ITPR3: variants seen among roughly 807,000 people sequenced by gnomAD.
ITPR3 encodes the protein inositol 1,4,5-trisphosphate-gated calcium channel ITPR3.
A neutral mutation model predicts 293.2 loss-of-function variants in ITPR3; 173 were observed. The ratio of observed to expected loss-of-function variants is 0.59; its 90% CI spans 0.52 to 0.67. The LOEUF is 0.67. ITPR3 is among the 30% of genes least tolerant of loss of function. The pLI is 0.00. For synonymous variants in ITPR3, 1,295 were observed against 1,444.4 expected, an observed-to-expected ratio of 0.90 and a Z score of 2.35; for missense variants, 2,796 against 3,592.1, an observed-to-expected ratio of 0.78 and a Z score of 5.66.
At chr6:33,623,366 A>C (rs1582091536) in intron 1 of ITPR3, among the ~76,000 whole-genome samples, 2 of 125,884 alleles carry the variant, frequency 1.6e-5, no homozygotes, top group African/African-American at 3.1e-5. Flanking sequence ...TCACTTTCTC[A>C]CTCAGGCTAG....
At chr6:33,660,678 C>T (rs1284503790) in intron 7 of ITPR3, among the ~76,000 whole-genome samples, 5 of 152,142 alleles carry the variant, frequency 3.3e-5, no homozygotes, top group South Asian at 4.1e-4. Flanking sequence ...CCTGTAATCC[C>T]AGCACTTTGG....
intron 56 of ITPR3, chr6:33,694,703 G>T: frequency 5.4e-6 from 3 of 553,980 alleles, no homozygotes; most frequent in Admixed American, 6.8e-5. Context: ...CCTAACGGAA[G>T]TCAGCCTGTC....
At chr6:33,685,252 G>A in intron 39 of ITPR3, 107 bp from the exon 40 acceptor site, 1 of 1,137,892 alleles carries the variant, frequency 8.8e-7, no homozygotes, top group Non-Finnish European at 1.3e-6. Context: ...CTGCAGCCAG[G>A]CCCCTGCAGC....
chr6:33,668,960 C>G lies in ITPR3; in HGVS notation c.2007-14C>G, dbSNP rs751955055. Reference sequence around the variant, plus strand: ...GGACCTGGCTCCCTGTGACAGGTTGCTGGTGGTCTGCAGGCTTCGGCCCGT... The same window carrying G: ...GGACCTGGCTCCCTGTGACAGGTTGGTGGTGGTCTGCAGGCTTCGGCCCGT... On this transcript the variant is annotated splice_polypyrimidine_tract_variant and intron_variant, in intron 17 of 57. Transcript: ENST00000605930. 5 of 1,611,660 alleles carry G rather than the reference C, an allele frequency of 3.1e-6. No individual in the cohort carries two copies. The highest frequency in any genetic ancestry group is 4.2e-6 in the Non-Finnish European group (5 of 1,179,072).
At chr6:33,646,866 G>GT (rs1251402069) in intron 2 of ITPR3, among the ~76,000 whole-genome samples, 1 of 152,020 alleles carries the variant, frequency 6.6e-6, no homozygotes, top group Non-Finnish European at 1.5e-5. Flanking sequence ...GCAGTGAGCC[G>GT]TGATTGCACC....
chr6:33,655,713 G>T lies in ITPR3; in HGVS notation c.161-53G>T. ...CAGGCTGGGGTTTTCTCCAGGGAGG[G>T]CCCTGAGCCCCAGATGAATCATTCC... On this transcript the variant is annotated intron_variant, in intron 2 of 57. Transcript: ENST00000605930. This position sits in a 1 kb window ranked among gnomAD's most constrained non-coding sequence, Gnocchi z 4.9. 9 of 1,610,788 alleles carry T rather than the reference G, an allele frequency of 5.6e-6. No individual in the cohort carries two copies. In the Admixed American group the frequency reaches 1.2e-4, roughly 21 times the overall value.
chr6:33,671,489 C>T (rs915451145), intron 21 of ITPR3, among the ~76,000 whole-genome samples, 183 bp downstream of exon 21: 1 of 152,224 alleles, frequency 6.6e-6, no homozygotes, highest in African/African-American at 2.4e-5. Context: ...GGTCCCTGCC[C>T]GGACTCCCTG....
intron 47 of ITPR3, 32 bp downstream of exon 47, chr6:33,688,199 G>C: frequency 6.2e-7 from 1 of 1,613,972 alleles, no homozygotes; most frequent in African/African-American, 1.3e-5. Context: ...GCGGGCGTGG[G>C]AGCCTGCGCC....
intron 2 of ITPR3, among the ~76,000 whole-genome samples, chr6:33,649,098 T>A (rs1764132395): frequency 6.6e-6 from 1 of 152,042 alleles, no homozygotes; most frequent in Non-Finnish European, 1.5e-5. Context: ...AGAGACCGGG[T>A]TTCACCATCT....
At position 33,662,111 on chromosome 6, in the gene ITPR3, G is replaced by A. The variant is rs371549506; in HGVS notation, c.712-417G>A. On this transcript the variant is annotated intron_variant, in intron 7 of 57. Transcript: ENST00000605930. Reference sequence around the variant, plus strand: ...AGGGGAGCAAAAGAAGTGGGCATGAGCTACCAATATTTAGGCAGAAAGGAC... The same window carrying A: ...AGGGGAGCAAAAGAAGTGGGCATGAACTACCAATATTTAGGCAGAAAGGAC... Among the ~76,000 whole-genome samples, 31 of 151,740 alleles carry A rather than the reference G, an allele frequency of 2.0e-4. 1 individual carries two copies. The highest frequency in any genetic ancestry group is 1.1e-3 in the Admixed American group (17 of 15,194).
At chr6:33,642,321 T>G (rs1763969517) in intron 2 of ITPR3, among the ~76,000 whole-genome samples, 1 of 151,410 alleles carries the variant, frequency 6.6e-6, no homozygotes, top group South Asian at 2.1e-4. Flanking sequence ...GAGTCAGAAA[T>G]GGGAGGGCGT....
chr6:33,684,953 G>A lies in ITPR3; in HGVS notation c.5307+10G>A, dbSNP rs369236448. ...CAACACAGAGATCCAGGTGTGGGGG[G>A]CCTGGGGCCTGGACATGCCCTCCTT... On this transcript the variant is annotated intron_variant, in intron 39 of 57. Coordinates refer to ENST00000605930, the MANE Select transcript of ITPR3 (RefSeq NM_002224.4). This position sits in a 1 kb window ranked among gnomAD's most constrained non-coding sequence, Gnocchi z 4.2. The A allele has an allele frequency of 1.4e-5, 22 of 1,599,592 alleles. No homozygotes were observed. Among genetic ancestry groups the A allele is most frequent in the Non-Finnish European group, 1.9e-5 (22 of 1,171,186 alleles).
At chr6:33,678,294 C>A in intron 28 of ITPR3, 127 bp from the exon 29 acceptor site, 1 of 1,346,396 alleles carries the variant, frequency 7.4e-7, no homozygotes, top group Non-Finnish European at 1.0e-6. Context: ...CCCACTTTCC[C>A]TTTACGCTGG....
rs1475519027 is a variant in ITPR3, at chr6:33,638,653, G to A, written c.90-1831G>A. 2.0e-5 allele frequency among the ~76,000 whole-genome samples: 3 copies of A among 152,230 alleles called. No individual in the cohort carries two copies. Among genetic ancestry groups the A allele is most frequent in the Non-Finnish European group, 4.4e-5 (3 of 68,040 alleles). Reference sequence around the variant, plus strand: ...GCTTTAAGAGCTCTGGCCAGGAGCCGGGATGAAGACCAAATATATATTTCT... The same window carrying A: ...GCTTTAAGAGCTCTGGCCAGGAGCCAGGATGAAGACCAAATATATATTTCT... On this transcript the variant is annotated intron_variant, in intron 1 of 57. Coordinates refer to ENST00000605930, the MANE Select transcript of ITPR3 (RefSeq NM_002224.4). The surrounding 1 kb of genome is among the most constrained non-coding windows in gnomAD (Gnocchi z 4.3).
rs2229633 is a variant in ITPR3 at position 33,670,361 on chromosome 6, C to A, written c.2226C>A (p.Asp742Glu). ...QLKLFARMCL[D>E]RQYLAIDEIS... is the part of the protein sequence containing the mutation. ...AGCTCTTTGCCCGCATGTGCTTGGA[C>A]CGCCAGTACTTGGCCATCGACGAGA... The change falls in exon 19 of 58, where the codon GAC (aspartate) becomes GAA (glutamate). Residue 742 changes from aspartate to glutamate, a missense_variant. Asp to Glu is a conservative substitution (Grantham distance 45). This residue lies in a region of ITPR3 where 955 missense variants were observed against 1,180.8 expected (regional missense o/e 0.81). Coordinates refer to ENST00000605930, the MANE Select transcript of ITPR3 (RefSeq NM_002224.4). The surrounding 1 kb of genome is among the most constrained non-coding windows in gnomAD (Gnocchi z 6.7). 3,002 of 1,614,118 alleles carry A rather than the reference C, an allele frequency of 1.9e-3. 14 individuals are homozygous for A. The highest frequency in any genetic ancestry group is 0.011 in the African/African-American group (843 of 75,046).
chr6:33,694,691 T>TA, intron 56 of ITPR3: 1 of 539,620 alleles, frequency 1.9e-6, no homozygotes, highest in East Asian at 3.3e-5. Flanking sequence ...CTGCCGACGC[T>TA]GCCTAACGGA....
chr6:33,686,879 A>G, intron 43 of ITPR3, 130 bp from the exon 44 acceptor site: 1 of 729,034 alleles, frequency 1.4e-6, no homozygotes. Context: ...GGGGGGAGGG[A>G]GGATGGGAAG....
At position 33,632,732 on chromosome 6, in the gene ITPR3, T is replaced by G. The variant is rs2151281509; in HGVS notation, c.90-7752T>G. 6.6e-6 allele frequency among the ~76,000 whole-genome samples: 1 copy of G among 152,282 alleles called. No individual in the cohort carries two copies. The highest frequency in any genetic ancestry group is 1.5e-5 in the Non-Finnish European group (1 of 68,012). ...TTCAGACTGGTCTTGTGCCTCCCAG[T>G]GGATGGAAGGCGCACTGCAGGGACT... On this transcript the variant is annotated intron_variant, in intron 1 of 57. Coordinates refer to ENST00000605930, the MANE Select transcript of ITPR3 (RefSeq NM_002224.4). This position sits in a 1 kb window ranked among gnomAD's most constrained non-coding sequence, Gnocchi z 4.1.
rs1363269662 is a variant in ITPR3 at position 33,624,470 on chromosome 6, GC to G, written c.89+2782del. 6.6e-6 allele frequency among the ~76,000 whole-genome samples: 1 copy of G among 152,242 alleles called. No individual in the cohort carries two copies. Among genetic ancestry groups the G allele is most frequent in the Non-Finnish European group, 1.5e-5 (1 of 68,048 alleles). On this transcript the variant is annotated intron_variant, in intron 1 of 57. Transcript: ENST00000605930. The surrounding 1 kb of genome is among the most constrained non-coding windows in gnomAD (Gnocchi z 4.7). The stretch of plus-strand genomic sequence containing the variant: ...AGAAATGCAGAATCTCAGACCCCGT[GC>G]CCGTCCTACTGAATGAGAATCTGCA...
Sources: allele counts gnomAD v4.1 joint callset (sites outside exome capture counted in the v4.1 genomes callset), GRCh38; gene constraint gnomAD v4.1.1; regional missense constraint gnomAD v4.1.1; non-coding constraint Gnocchi (gnomAD v3.1); transcripts MANE v1.5; gene names NCBI Gene and HGNC (gene_info 2026-07-23, HGNC 2026-07-21).